The following KANK1 variants were observed in gnomAD, a reference collection of about 807,000 sequenced individuals.
The protein encoded by KANK1 is KN motif and ankyrin repeat domain-containing protein 1.
A neutral mutation model predicts 106.2 loss-of-function variants in KANK1; 109 were observed. The ratio of observed to expected loss-of-function variants is 1.03; its 90% CI spans 0.88 to 1.20. The LOEUF (loss-of-function observed/expected upper bound fraction) is 1.20, where lower values mean the gene tolerates loss of function less well. Among genes scored for constraint, KANK1 ranks in the 50% most tolerant of loss-of-function variants. KANK1 has a pLI of 0.00. For missense variants in KANK1, 2,399 were observed against 1,710.7 expected, an observed-to-expected ratio of 1.40 and a Z score of -7.10; for synonymous variants, 873 against 652.2, an observed-to-expected ratio of 1.34 and a Z score of -5.16.
intron 1 of KANK1, among the ~76,000 whole-genome samples, chr9:622,623 G>A (rs779794251): frequency 6.6e-6 from 1 of 152,178 alleles, no homozygotes; most frequent in Non-Finnish European, 1.5e-5. Flanking sequence ...ACTGTAAGAG[G>A]CCGGGTGCAG....
At chr9:650,936 G>C (rs78594403) in intron 1 of KANK1, among the ~76,000 whole-genome samples, 8,523 of 152,112 alleles carry the variant, frequency 0.056, 262 homozygotes, top group African/African-American at 0.077. Context: ...AAGGAGAGTT[G>C]CATTTCCTCC....
In KANK1 at chr9:732,632, C is replaced by G. The variant is rs146417693; in HGVS notation, c.3245+15C>G. 8 of 1,608,358 alleles carry G rather than the reference C, an allele frequency of 5.0e-6. No individual in the cohort carries two copies. The Admixed American group carries it at 8.4e-5, about 17-fold the overall frequency. ...ATCAGAGAGAGGTGTGGTACATTCC[C>G]CTTCCCTCCCTTGCCCCTCCCACAT... On this transcript the variant is annotated intron_variant, in intron 6 of 11. Coordinates refer to ENST00000382297, the MANE Select transcript of KANK1 (RefSeq NM_015158.5).
intron 1 of KANK1, among the ~76,000 whole-genome samples, chr9:630,856 G>T (rs895382161): frequency 6.6e-6 from 1 of 152,044 alleles, no homozygotes; most frequent in African/African-American, 2.4e-5. Flanking sequence ...TTGGGAGGCT[G>T]AGGCACGAGA....
intron 1 of KANK1, among the ~76,000 whole-genome samples, chr9:506,201 C>T (rs958010399): frequency 2.6e-5 from 4 of 152,150 alleles, no homozygotes; most frequent in Non-Finnish European, 5.9e-5. Flanking sequence ...TTTAAGGCAG[C>T]TACTTAGGAA....
chr9:678,185 C>T (rs1029424317), intron 2 of KANK1, among the ~76,000 whole-genome samples: 1 of 151,966 alleles, frequency 6.6e-6, no homozygotes, highest in Non-Finnish European at 1.5e-5. Flanking sequence ...CATTTTTGAC[C>T]TTTTTTACTG....
At chr9:494,607 C>A (rs2058431346) in intron 3 of KANK1, among the ~76,000 whole-genome samples, 1 of 152,166 alleles carries the variant, frequency 6.6e-6, no homozygotes, top group South Asian at 2.1e-4. Context: ...TGGGGGAAAC[C>A]AGCTGCCATG....
At chr9:491,868 G>A (rs2058382610) in intron 3 of KANK1, among the ~76,000 whole-genome samples, 1 of 151,962 alleles carries the variant, frequency 6.6e-6, no homozygotes, top group African/African-American at 2.4e-5. Flanking sequence ...AGATCTGATG[G>A]TTTTCAAAAT....
chr9:509,255 G>A (rs1457700443), intron 1 of KANK1, among the ~76,000 whole-genome samples: 3 of 152,014 alleles, frequency 2.0e-5, no homozygotes, highest in Non-Finnish European at 4.4e-5. Flanking sequence ...ACGCCACCAC[G>A]CCCAGCTAAT....
rs930269028 is a variant in KANK1, at chr9:684,129, T to A, written c.37+7120T>A. ...AGAGCTTGCTTGTTTCATAAACTCT[T>A]AAGGCTTTGTTTTAACCTGTAGCCA... On this transcript the variant is annotated intron_variant, in intron 2 of 11. Coordinates refer to ENST00000382297, the MANE Select transcript of KANK1 (RefSeq NM_015158.5). The A allele has an allele frequency of 6.1e-6, 6 of 980,212 alleles. No individual in the cohort carries two copies. In the African/African-American group the frequency reaches 1.1e-4, roughly 17 times the overall value. 60.7% of individuals were successfully genotyped at this position (980,212 alleles called of 1,614,324 possible). A position where few individuals can be genotyped will look rare whatever the true frequency, so the allele number is the denominator to read the frequency against.
At chr9:676,276 C>G (rs937977631) in intron 1 of KANK1, among the ~76,000 whole-genome samples, 1 of 151,954 alleles carries the variant, frequency 6.6e-6, no homozygotes, top group South Asian at 2.1e-4. Context: ...TGCTCTGGTC[C>G]GAATGCCTCT....
intron 2 of KANK1, among the ~76,000 whole-genome samples, chr9:689,143 A>G (rs989941079): frequency 3.9e-5 from 6 of 152,144 alleles, no homozygotes; most frequent in African/African-American, 1.4e-4. Context: ...ATGAAAATAT[A>G]TTATGAGACC....
chr9:691,612 T>TTTTTTC (rs1554684760), intron 2 of KANK1, among the ~76,000 whole-genome samples: 3 of 105,982 alleles, frequency 2.8e-5, no homozygotes, highest in African/African-American at 4.1e-5. Context: ...AATACCAGAA[T>TTTTTTC]TTTTTTTTTT....
chr9:518,375 C>T lies in KANK1; in HGVS notation c.-84+13621C>T, dbSNP rs1050716064. 5.3e-5 allele frequency among the ~76,000 whole-genome samples: 8 copies of T among 151,578 alleles called. 1 individual carries two copies. Among genetic ancestry groups the T allele is most frequent in the African/African-American group, 2.0e-4 (8 of 40,858 alleles). Reference sequence around the variant, plus strand: ...CTGGGTTGTGTCATCCCGAGCCTCCCCTTCTCCCTCCTTGACCCCCAGTGG... The same window carrying T: ...CTGGGTTGTGTCATCCCGAGCCTCCTCTTCTCCCTCCTTGACCCCCAGTGG... On this transcript the variant is annotated intron_variant, in intron 1 of 11. Transcript: ENST00000382297.
chr9:605,807 C>G (rs1214999235), intron 1 of KANK1, among the ~76,000 whole-genome samples: 2 of 151,626 alleles, frequency 1.3e-5, no homozygotes, highest in Non-Finnish European at 1.5e-5. Flanking sequence ...GGGAAATGAA[C>G]AGAGAGCCAC....
intron 1 of KANK1, among the ~76,000 whole-genome samples, chr9:600,388 T>C (rs1827440642): frequency 6.6e-6 from 1 of 151,810 alleles, no homozygotes; most frequent in Non-Finnish European, 1.5e-5. Flanking sequence ...TAAGGCTGAA[T>C]AATATTCCAT....
intron 4 of KANK1, chr9:730,547 G>C (rs1308391150): frequency 2.8e-6 from 1 of 362,344 alleles, no homozygotes; most frequent in East Asian, 7.0e-5. Context: ...ACAAAAATTA[G>C]CCAGGCATGG....
intron 1 of KANK1, among the ~76,000 whole-genome samples, chr9:526,764 G>T (rs1201878894): frequency 6.6e-6 from 1 of 151,508 alleles, no homozygotes; most frequent in Admixed American, 6.6e-5. Flanking sequence ...ATATTTGACT[G>T]CTTTAGATCT....
chr9:580,353 G>A (rs1821747265), intron 1 of KANK1, among the ~76,000 whole-genome samples: 1 of 152,172 alleles, frequency 6.6e-6, no homozygotes, highest in Non-Finnish European at 1.5e-5. Context: ...ATTGCAAAGA[G>A]TGAAAGAACA....
chr9:650,297 G>T (rs1840600483), intron 1 of KANK1, among the ~76,000 whole-genome samples: 2 of 152,140 alleles, frequency 1.3e-5, no homozygotes, highest in South Asian at 4.1e-4. Context: ...TTTAATTCTT[G>T]CAAAGTGAAA....
Sources: allele counts gnomAD v4.1 joint callset (sites outside exome capture counted in the v4.1 genomes callset), GRCh38; gene constraint gnomAD v4.1.1; transcripts MANE v1.5; gene names NCBI Gene and HGNC (gene_info 2026-07-23, HGNC 2026-07-21).